The following DACH2 variants were observed in gnomAD, a reference collection of about 807,000 sequenced individuals.
The protein encoded by DACH2 is dachshund family transcription factor 2.
Under a neutral mutation model 35.8 loss-of-function variants are expected in DACH2, and 17 were observed. That is an observed-to-expected ratio of 0.48 (90% CI 0.33 to 0.71). The LOEUF is 0.71. Ranked by LOEUF, DACH2 falls within the 30% of genes least tolerant of loss-of-function variation. DACH2 has a pLI of 0.02. For synonymous variants in DACH2, 195 were observed against 177.3 expected, an observed-to-expected ratio of 1.10 and a Z score of -0.79; for missense variants, 469 against 472.7, an observed-to-expected ratio of 0.99 and a Z score of 0.07.
chrX:86,612,728 A>T (rs1159477636), intron 3 of DACH2, among the ~76,000 whole-genome samples: 3 of 112,552 alleles, frequency 2.7e-5, no homozygotes, highest in Non-Finnish European at 5.6e-5. Flanking sequence ...TACCCACTAC[A>T]GTGCCTATTT....
intron 2 of DACH2, among the ~76,000 whole-genome samples, chrX:86,388,789 G>A (rs180955091): frequency 3.6e-3 from 397 of 111,519 alleles, no homozygotes; most frequent in Non-Finnish European, 6.1e-3. Flanking sequence ...AAACAGAAAT[G>A]TTTTAGTTAA....
intron 7 of DACH2, among the ~76,000 whole-genome samples, chrX:86,767,911 G>A (rs1207950193): frequency 9.0e-6 from 1 of 111,143 alleles, no homozygotes; most frequent in Non-Finnish European, 1.9e-5. Context: ...AGTCTGATGG[G>A]GTTTTGTTTG....
intron 2 of DACH2, among the ~76,000 whole-genome samples, chrX:86,381,527 A>C (rs1042672404): frequency 2.7e-5 from 3 of 110,771 alleles, no homozygotes; most frequent in Non-Finnish European, 1.9e-5. Context: ...GCTCTGGGGA[A>C]AAAAAGAGTC....
intron 2 of DACH2, among the ~76,000 whole-genome samples, chrX:86,460,782 T>C (rs2037558722): frequency 9.0e-6 from 1 of 110,751 alleles, no homozygotes; most frequent in South Asian, 3.7e-4. Flanking sequence ...GGGACTAGAA[T>C]AGTGTCACAA....
chrX:86,329,551 A>T (rs1330879991), intron 1 of DACH2, among the ~76,000 whole-genome samples: 1 of 104,018 alleles, frequency 9.6e-6, no homozygotes, highest in Non-Finnish European at 1.9e-5. Flanking sequence ...TCTCAGCATC[A>T]ATCAAATAAA....
At chrX:86,765,390 T>C (rs2041922050) in intron 7 of DACH2, among the ~76,000 whole-genome samples, 1 of 111,572 alleles carries the variant, frequency 9.0e-6, no homozygotes, top group African/African-American at 3.3e-5. Flanking sequence ...TTTTAATCCA[T>C]ATTGTGTTAA....
chrX:86,605,135 A>G (rs1036562128), intron 3 of DACH2, among the ~76,000 whole-genome samples: 1 of 112,021 alleles, frequency 8.9e-6, no homozygotes, highest in Non-Finnish European at 1.9e-5. Flanking sequence ...TTTGATTTGA[A>G]TCAAGCAGTT....
At chrX:86,401,075 A>G (rs1306700897) in intron 2 of DACH2, among the ~76,000 whole-genome samples, 2 of 112,066 alleles carry the variant, frequency 1.8e-5, no homozygotes, top group Non-Finnish European at 3.8e-5. Flanking sequence ...AGCCTGGGCA[A>G]TGGCAGGCGC....
intron 1 of DACH2, among the ~76,000 whole-genome samples, chrX:86,174,733 G>T (rs1326053460): frequency 8.9e-6 from 1 of 111,737 alleles, no homozygotes; most frequent in Non-Finnish European, 1.9e-5. Context: ...GAGTGCAGTG[G>T]CATGATCCAT....
intron 2 of DACH2, among the ~76,000 whole-genome samples, chrX:86,397,839 G>T (rs1175461281): frequency 4.5e-5 from 5 of 111,807 alleles, no homozygotes; most frequent in Non-Finnish European, 7.5e-5. Context: ...AAGGATATTG[G>T]TCTAAAATTC....
At chrX:86,720,292 G>A (rs1224622038) in intron 6 of DACH2, among the ~76,000 whole-genome samples, 2 of 110,524 alleles carry the variant, frequency 1.8e-5, no homozygotes, top group Non-Finnish European at 3.8e-5. Flanking sequence ...CAAGTCCGAA[G>A]TTTTATCTGA....
At chrX:86,165,221 A>G (rs752805682) in intron 1 of DACH2, among the ~76,000 whole-genome samples, 1 of 111,301 alleles carries the variant, frequency 9.0e-6, no homozygotes, top group Non-Finnish European at 1.9e-5. Flanking sequence ...TTCTTTATCC[A>G]TTCATCCATT....
chrX:86,796,893 A>G (rs2042244926), intron 7 of DACH2, among the ~76,000 whole-genome samples: 1 of 111,289 alleles, frequency 9.0e-6, no homozygotes, highest in Admixed American at 9.6e-5. Flanking sequence ...AACCCCATAC[A>G]TATTGTTTTT....
chrX:86,242,354 T>A (rs1225345851), intron 1 of DACH2, among the ~76,000 whole-genome samples: 24 of 112,152 alleles, frequency 2.1e-4, no homozygotes, highest in African/African-American at 7.8e-4. Flanking sequence ...TTACGATTTA[T>A]TGAGTGCCCT....
intron 3 of DACH2, among the ~76,000 whole-genome samples, chrX:86,517,090 AG>A (rs1245407664): frequency 9.0e-6 from 1 of 111,657 alleles, no homozygotes; most frequent in Non-Finnish European, 1.9e-5. Flanking sequence ...ATAGAATTTC[AG>A]GCTGATAGTT....
At chrX:86,626,785 A>T (rs1209139883) in intron 3 of DACH2, among the ~76,000 whole-genome samples, 2 of 112,749 alleles carry the variant, frequency 1.8e-5, no homozygotes, top group South Asian at 3.6e-4. Flanking sequence ...CATAGCTGAG[A>T]TGCAGGGCAC....
intron 2 of DACH2, among the ~76,000 whole-genome samples, chrX:86,382,086 A>G (rs1354536654): frequency 9.0e-6 from 1 of 110,681 alleles, no homozygotes; most frequent in Non-Finnish European, 1.9e-5. Flanking sequence ...ACACGTAACT[A>G]CTTAAAGCAG....
At chrX:86,595,361 C>T in intron 3 of DACH2, among the ~76,000 whole-genome samples, 1 of 111,502 alleles carries the variant, frequency 9.0e-6, no homozygotes, top group Non-Finnish European at 1.9e-5. Context: ...GATCCTCCCA[C>T]CTCAGGATCT....
intron 3 of DACH2, among the ~76,000 whole-genome samples, chrX:86,516,734 C>T (rs1010569851): frequency 1.8e-5 from 2 of 110,503 alleles, no homozygotes; most frequent in Admixed American, 9.7e-5. Context: ...TCAAGTAGAC[C>T]CCAGTATCTG....
Sources: allele counts gnomAD v4.1 joint callset (sites outside exome capture counted in the v4.1 genomes callset), GRCh38; gene constraint gnomAD v4.1.1; transcripts MANE v1.5; gene names NCBI Gene and HGNC (gene_info 2026-07-23, HGNC 2026-07-21).